Variants in DNAH11 observed in about 807,000 individuals in gnomAD.
DNAH11 encodes dynein axonemal heavy chain 11.
DNAH11 carries 442 observed loss-of-function variants against 526.0 expected under a neutral mutation model. That is an observed-to-expected ratio of 0.84 (90% CI 0.78 to 0.91). The LOEUF (loss-of-function observed/expected upper bound fraction) is 0.91, where lower values mean the gene tolerates loss of function less well. Ranked by LOEUF, DNAH11 falls within the 40% of genes least tolerant of loss-of-function variation. DNAH11 has a pLI of 0.00. For missense variants in DNAH11, 6,989 were observed against 5,448.7 expected (o/e 1.28, Z -8.90); for synonymous variants, 2,461 against 1,935.9 (o/e 1.27, Z -7.12).
intron 65 of DNAH11, among the ~76,000 whole-genome samples, chr7:21,826,710 C>A (rs1248718115): frequency 1.3e-5 from 2 of 152,052 alleles, no homozygotes; most frequent in East Asian, 3.9e-4. Flanking sequence ...AGGAAAACAA[C>A]CTACAGGGAC....
At position 21,619,973 on chromosome 7, in the gene DNAH11, T is replaced by G. The variant is rs763928577; in HGVS notation, c.4395T>G (p.Ser1465Arg). The change falls in exon 25 of 82, where the codon AGT becomes AGG. Residue 1465 changes from serine to arginine, a missense_variant. Coordinates refer to ENST00000409508, the MANE Select transcript of DNAH11 (RefSeq NM_001277115.2). ...LGTEKVITEI[S>R]QTWATMKFSY... ...ATTACTAGGTTATTACTGAAATCAG[T>G]CAGACCTGGGCAACCATGAAGTTTT... is the stretch of plus-strand genomic sequence containing the variant. 3.7e-6 allele frequency: 6 copies of G among 1,602,628 alleles called. No individual in the cohort carries two copies. The South Asian group carries it at 6.9e-5, about 18-fold the overall frequency.
chr7:21,654,506 T>TGAATAA (rs1781926621), intron 28 of DNAH11, among the ~76,000 whole-genome samples: 2 of 152,222 alleles, frequency 1.3e-5, no homozygotes, highest in Non-Finnish European at 2.9e-5. Context: ...ATTTAGGTTG[T>TGAATAA]TTCCGCCTTT....
intron 48 of DNAH11, among the ~76,000 whole-genome samples, chr7:21,740,085 C>G (rs1412628296): frequency 6.6e-6 from 1 of 152,146 alleles, no homozygotes; most frequent in Non-Finnish European, 1.5e-5. Context: ...TGACAAGTAT[C>G]AGCTGTTAAC....
rs1462842214 is a variant in DNAH11 at position 21,704,570 on chromosome 7, T to C, written c.6410T>C (p.Met2137Thr). 5 of 1,613,722 alleles carry C rather than the reference T, an allele frequency of 3.1e-6. No homozygotes were observed. The South Asian group carries it at 3.3e-5, about 11-fold the overall frequency. The change falls in exon 38 of 82, where the codon ATG (methionine) becomes ACG (threonine). Residue 2137 changes from methionine (M) to threonine (T), a missense_variant. Transcript: ENST00000409508. ...PRRRKLHFEQMVRQSTLELRL... is the reference protein window; with the variant it reads ...PRRRKLHFEQTVRQSTLELRL... ...AGGAGGAAGCTGCACTTTGAACAGATGGTCAGGCAGTCTACCCTGGAGCTC... is the reference window on the plus strand; with the variant it reads ...AGGAGGAAGCTGCACTTTGAACAGACGGTCAGGCAGTCTACCCTGGAGCTC...
At chr7:21,670,633 T>G (rs1782607709) in intron 30 of DNAH11, among the ~76,000 whole-genome samples, 1 of 152,178 alleles carries the variant, frequency 6.6e-6, no homozygotes, top group Non-Finnish European at 1.5e-5. Context: ...GTAATGTTTC[T>G]CCAGTAAATA....
chr7:21,609,097 G>A (rs1299445448), intron 20 of DNAH11, among the ~76,000 whole-genome samples: 2 of 152,184 alleles, frequency 1.3e-5, no homozygotes, highest in South Asian at 4.1e-4. Context: ...CCTTTAAAAT[G>A]AGGTTCCCTG....
At chr7:21,852,742 G>T in intron 67 of DNAH11, 111 bp downstream of exon 67, 1 of 1,155,700 alleles carries the variant, frequency 8.7e-7, no homozygotes, top group South Asian at 2.3e-5. Context: ...CCAGCGTGTG[G>T]AATTCAGGTG....
At position 21,750,278 on chromosome 7, in the gene DNAH11, C is replaced by G; in HGVS notation, c.8854C>G (p.His2952Asp). 6.2e-7 allele frequency: 1 copy of G among 1,604,660 alleles called. No homozygotes were observed. Among genetic ancestry groups the G allele is most frequent in the African/African-American group, 1.3e-5 (1 of 74,920 alleles). The change falls in exon 54 of 82, where the codon CAT (histidine) becomes GAT (aspartate). Residue 2952 changes from histidine to aspartate, a missense_variant. By Grantham distance (81) the His-to-Asp change is moderately conservative. Coordinates refer to ENST00000409508, the MANE Select transcript of DNAH11 (RefSeq NM_001277115.2). ...EDVDKIISGI[H>D]NEVHALGMVD... ...TGTGGACAAGATAATTTCTGGAATT[C>G]ATAATGAAGTTCATGCTCTGGGCAT...
chr7:21,732,936 C>T lies in DNAH11; in HGVS notation c.7441-2704C>T, dbSNP rs184839694. Among the ~76,000 whole-genome samples, 86 of 152,324 alleles carry T rather than the reference C, an allele frequency of 5.6e-4. 2 individuals are homozygous for T. The East Asian group carries it at 0.016, about 28-fold the overall frequency. On this transcript the variant is annotated intron_variant, in intron 45 of 81. Transcript: ENST00000409508. ...TTCTGCAGACTGGGCCATGTGCCAC[C>T]TGTAACCCAGTCTCAGGCCTGGGCA...
chr7:21,820,020 T>G (rs1269932486), intron 65 of DNAH11, among the ~76,000 whole-genome samples: 1 of 152,212 alleles, frequency 6.6e-6, no homozygotes, highest in African/African-American at 2.4e-5. Context: ...TCCTGGCTCC[T>G]AAACCCTTAT....
chr7:21,721,572 G>C (rs1228344057), intron 44 of DNAH11, among the ~76,000 whole-genome samples: 2 of 152,146 alleles, frequency 1.3e-5, no homozygotes, highest in Non-Finnish European at 2.9e-5. Flanking sequence ...CCACCTTTCA[G>C]ACCGCCACTT....
At chr7:21,607,504 G>A (rs62447779) in intron 20 of DNAH11, among the ~76,000 whole-genome samples, 1,649 of 152,276 alleles carry the variant, frequency 0.011, 23 homozygotes, top group Non-Finnish European at 0.018. Flanking sequence ...ACGAGAGACA[G>A]TAACAACTAC....
At chr7:21,683,693 A>G in intron 31 of DNAH11, 91 bp from the exon 32 acceptor site, 1 of 1,342,788 alleles carries the variant, frequency 7.4e-7, no homozygotes, top group Non-Finnish European at 9.9e-7. Context: ...TGAGAATTTT[A>G]GAAATGTGAA....
At chr7:21,850,382 GA>G (rs1013684593) in intron 66 of DNAH11, among the ~76,000 whole-genome samples, 9 of 149,442 alleles carry the variant, frequency 6.0e-5, no homozygotes, top group African/African-American at 2.0e-4. Flanking sequence ...AAAAGAAAAA[GA>G]AAAAAAATTC....
intron 58 of DNAH11, among the ~76,000 whole-genome samples, chr7:21,785,030 C>T (rs1788113006): frequency 6.6e-6 from 1 of 152,278 alleles, no homozygotes; most frequent in East Asian, 1.9e-4. Context: ...CCTCCCTAAG[C>T]GTTCACATTC....
intron 65 of DNAH11, among the ~76,000 whole-genome samples, chr7:21,830,421 C>G (rs990023907): frequency 6.6e-6 from 1 of 152,180 alleles, no homozygotes; most frequent in Non-Finnish European, 1.5e-5. Flanking sequence ...GGCGTGTGCT[C>G]TGAACTGTGT....
At chr7:21,650,190 C>A (rs917091035) in intron 28 of DNAH11, among the ~76,000 whole-genome samples, 4 of 152,198 alleles carry the variant, frequency 2.6e-5, no homozygotes, top group South Asian at 4.2e-4. Flanking sequence ...CCAAATCAAC[C>A]TTATATGCAC....
intron 2 of DNAH11, among the ~76,000 whole-genome samples, chr7:21,556,669 T>A (rs991979340): frequency 9.9e-5 from 15 of 152,120 alleles, no homozygotes; most frequent in African/African-American, 3.4e-4. Context: ...GTCCTCACCC[T>A]CCTTCCACCC....
At chr7:21,833,451 G>C (rs1415481852) in intron 65 of DNAH11, among the ~76,000 whole-genome samples, 2 of 152,158 alleles carry the variant, frequency 1.3e-5, no homozygotes, top group Non-Finnish European at 2.9e-5. Context: ...CCAGCACTTT[G>C]GGAAGCCAAA....
Sources: gnomAD v4.1 joint callset for allele counts (sites outside exome capture counted in the v4.1 genomes callset) on GRCh38, gnomAD v4.1.1 for gene constraint, MANE v1.5 for transcripts, NCBI Gene and HGNC (gene_info 2026-07-23, HGNC 2026-07-21) for gene names.